Variants in KATNIP observed in about 807,000 individuals in gnomAD.
KATNIP encodes the protein katanin-interacting protein.
KATNIP carries 126 observed loss-of-function variants against 174.0 expected under a neutral mutation model. The ratio of observed to expected loss-of-function variants is 0.72; its 90% CI spans 0.63 to 0.84. The LOEUF (loss-of-function observed/expected upper bound fraction) is 0.84. Ranked by LOEUF, KATNIP falls within the 40% of genes least tolerant of loss-of-function variation. The pLI is 0.00. For missense variants in KATNIP, 1,958 were observed against 2,109.7 expected, an observed-to-expected ratio of 0.93 and a Z score of 1.41; for synonymous variants, 810 against 835.7, an observed-to-expected ratio of 0.97 and a Z score of 0.53.
At chr16:27,764,956 T>C (rs1228894170) in intron 19 of KATNIP, among the ~76,000 whole-genome samples, 5 of 152,168 alleles carry the variant, frequency 3.3e-5, no homozygotes, top group African/African-American at 1.2e-4. Context: ...ATTGCCTCCT[T>C]GGGTAAACAC....
At chr16:27,737,908 C>T (rs1189123064) in intron 14 of KATNIP, among the ~76,000 whole-genome samples, 2 of 151,964 alleles carry the variant, frequency 1.3e-5, no homozygotes, top group East Asian at 1.9e-4. Flanking sequence ...TAGGATGGCC[C>T]GTCACCCTAG....
intron 2 of KATNIP, among the ~76,000 whole-genome samples, chr16:27,594,434 C>A (rs549601036): frequency 1.4e-4 from 22 of 152,182 alleles, no homozygotes; most frequent in African/African-American, 4.6e-4. Flanking sequence ...CACCTTGTGT[C>A]ACCTACCATG....
chr16:27,576,074 C>T lies in KATNIP; in HGVS notation c.63+2118C>T, dbSNP rs1185573585. 2.0e-5 allele frequency among the ~76,000 whole-genome samples: 3 copies of T among 152,292 alleles called. No homozygotes were observed. The East Asian group carries it at 5.8e-4, about 29-fold the overall frequency. On this transcript the variant is annotated intron_variant, in intron 2 of 27. Transcript: ENST00000261588. ...CAAGCCAGGAAAGAAACCTGAAACC[C>T]ACCCCTGGCCTTTGGTCACAGAATA...
intron 6 of KATNIP, among the ~76,000 whole-genome samples, chr16:27,672,266 C>G (rs1480437126): frequency 2.6e-5 from 4 of 152,078 alleles, no homozygotes; most frequent in African/African-American, 7.2e-5. Flanking sequence ...CTCTGCTGTT[C>G]CTACCCCCAA....
At chr16:27,656,060 C>T (rs1316548578) in intron 6 of KATNIP, among the ~76,000 whole-genome samples, 1 of 152,064 alleles carries the variant, frequency 6.6e-6, no homozygotes, top group Non-Finnish European at 1.5e-5. Flanking sequence ...AAGCGAAATC[C>T]AGTGAGGAAA....
intron 18 of KATNIP, chr16:27,757,628 T>C (rs1288204915): frequency 5.2e-6 from 3 of 579,032 alleles, no homozygotes; most frequent in Non-Finnish European, 6.5e-6. Context: ...GTAATTTCTC[T>C]TCTCTTCTCA....
intron 14 of KATNIP, chr16:27,727,332 G>C (rs1333690486): frequency 6.3e-6 from 1 of 159,668 alleles, no homozygotes; most frequent in Non-Finnish European, 1.4e-5. Flanking sequence ...GGGACTCCAG[G>C]TGTGCACACC....
intron 1 of KATNIP, among the ~76,000 whole-genome samples, chr16:27,560,637 C>T (rs1596714413): frequency 6.6e-6 from 1 of 152,318 alleles, no homozygotes; most frequent in African/African-American, 2.4e-5. Flanking sequence ...CAGCTGTGCC[C>T]TTCTTTCAAG....
intron 1 of KATNIP, among the ~76,000 whole-genome samples, chr16:27,558,951 G>T (rs1430109428): frequency 6.6e-6 from 1 of 152,196 alleles, no homozygotes; most frequent in Non-Finnish European, 1.5e-5. Context: ...GCCAGTGTGT[G>T]GCCAGGTTCT....
At chr16:27,757,547 ATGT>A (rs1417307500) in intron 18 of KATNIP, 1 of 984,566 alleles carries the variant, frequency 1.0e-6, no homozygotes, top group Non-Finnish European at 1.2e-6. Flanking sequence ...TTTCACAGAG[ATGT>A]TATTTCAGTG....
intron 3 of KATNIP, among the ~76,000 whole-genome samples, chr16:27,625,962 G>C (rs894379884): frequency 6.6e-6 from 1 of 151,402 alleles, no homozygotes; most frequent in African/African-American, 2.4e-5. Context: ...CCATCCTCCT[G>C]CCCCAGCCTC....
rs970687661 is a variant in KATNIP, at chr16:27,722,073, C to T, written c.1743+378C>T. Among the ~76,000 whole-genome samples, 28 of 152,218 alleles carry T rather than the reference C, an allele frequency of 1.8e-4. 1 individual carries two copies. Among genetic ancestry groups the T allele is most frequent in the African/African-American group, 6.8e-4 (28 of 41,456 alleles). On this transcript the variant is annotated intron_variant, in intron 14 of 27. Coordinates refer to ENST00000261588, the MANE Select transcript of KATNIP (RefSeq NM_015202.5). Reference sequence around the variant, plus strand: ...ACTCCAGGCCCTTTCTCTTAGCCTTCACTTCTCAAATGTTAACTTGCACTG... The same window carrying T: ...ACTCCAGGCCCTTTCTCTTAGCCTTTACTTCTCAAATGTTAACTTGCACTG...
chr16:27,744,290 C>T (rs1445937416), intron 15 of KATNIP, among the ~76,000 whole-genome samples: 1 of 152,078 alleles, frequency 6.6e-6, no homozygotes, highest in African/African-American at 2.4e-5. Flanking sequence ...CTTTGGGAGG[C>T]CAAGGTGGGA....
At chr16:27,669,494 T>C (rs993054255) in intron 6 of KATNIP, among the ~76,000 whole-genome samples, 1 of 152,240 alleles carries the variant, frequency 6.6e-6, no homozygotes, top group Non-Finnish European at 1.5e-5. Context: ...CTATAAAGTA[T>C]GTTTTTTCAG....
chr16:27,608,001 C>G (rs1036639507), intron 2 of KATNIP, among the ~76,000 whole-genome samples: 4 of 152,176 alleles, frequency 2.6e-5, no homozygotes, highest in Admixed American at 1.3e-4. Context: ...TTCTCAAGCC[C>G]TAGAAACCAG....
intron 1 of KATNIP, among the ~76,000 whole-genome samples, chr16:27,552,183 AACT>A (rs2089407636): frequency 6.6e-6 from 1 of 152,172 alleles, no homozygotes; most frequent in South Asian, 2.1e-4. Context: ...AAATAGAAAA[AACT>A]ACTCTCATTT....
At chr16:27,726,620 G>A (rs114878468) in intron 14 of KATNIP, among the ~76,000 whole-genome samples, 59 of 152,324 alleles carry the variant, frequency 3.9e-4, no homozygotes, top group African/African-American at 1.4e-3. Context: ...AGGATACAAC[G>A]AATAATGTGA....
chr16:27,743,067 T>C (rs551487357), intron 15 of KATNIP, among the ~76,000 whole-genome samples: 1 of 152,306 alleles, frequency 6.6e-6, no homozygotes, highest in East Asian at 1.9e-4. Context: ...TATTCATGTG[T>C]TCTCGTAGTT....
At chr16:27,607,056 G>T (rs1185375811) in intron 2 of KATNIP, among the ~76,000 whole-genome samples, 1 of 152,154 alleles carries the variant, frequency 6.6e-6, no homozygotes, top group Non-Finnish European at 1.5e-5. Context: ...TCCTTGGGAG[G>T]CATAGCTTGG....
Sources: gnomAD v4.1 joint callset for allele counts (sites outside exome capture counted in the v4.1 genomes callset) on GRCh38, gnomAD v4.1.1 for gene constraint, MANE v1.5 for transcripts, NCBI Gene and HGNC (gene_info 2026-07-23, HGNC 2026-07-21) for gene names.